MUC21: variants seen among roughly 807,000 people sequenced by gnomAD.
MUC21 encodes the protein mucin-21.
Under a neutral mutation model 9.1 loss-of-function variants are expected in MUC21, and 8 were observed. The observed-to-expected ratio is 0.88, with a 90% CI of 0.52 to 1.59. MUC21 has a LOEUF of 1.59. Ranked by LOEUF, MUC21 falls within the 40% of genes most tolerant of loss-of-function variation. The probability of loss-of-function intolerance (pLI) is 0.00; values close to 1 mark genes in which losing one functional copy is unlikely to be tolerated. For missense variants in MUC21, 478 were observed against 694.2 expected (o/e 0.69, Z 3.50); for synonymous variants, 189 against 275.2 (o/e 0.69, Z 3.10).
rs1762398482 is a variant in MUC21, at chr6:30,987,271, A to G, written c.1096A>G (p.Ser366Gly). Residue 366 changes from serine to glycine, a missense_variant, in exon 2 of 3, where the codon AGC becomes GGC. Ser to Gly is a moderately conservative substitution (Grantham distance 56). Coordinates refer to ENST00000376296, the MANE Select transcript of MUC21 (RefSeq NM_001010909.5). ...CAGCACAGCCACCAACTCTGGGTCC[A>G]GCACGACCTCCAGTGGGACCAGCAC... ...GASTATNSGS[S>G]TTSSGTSTAT... The G allele has an allele frequency of 1.1e-5, 17 of 1,567,338 alleles. 1 individual carries two copies. The highest frequency in any genetic ancestry group is 1.5e-5 in the Non-Finnish European group (17 of 1,149,232).
intron 2 of MUC21, 39 bp downstream of exon 2, chr6:30,987,720 A>G: frequency 2.5e-6 from 4 of 1,596,986 alleles, no homozygotes; most frequent in Non-Finnish European, 2.6e-6. Flanking sequence ...TGGGGGAAGG[A>G]GCAGCAGAAA....
Position 30,988,285 on chromosome 6 carries a change from C to T in MUC21, c.*91C>T. On this transcript the variant is annotated 3_prime_UTR_variant, in exon 3 of 3. Transcript: ENST00000376296. ...TCCTTTCATTCATCCCAGGAGACCC[C>T]TCCCAGCTTTGTTTGAGATCCTGAA... The T allele has an allele frequency of 1.6e-6, 2 of 1,247,450 alleles. No homozygotes were observed. The highest frequency in any genetic ancestry group is 2.2e-6 in the Non-Finnish European group (2 of 916,814). 77.3% of individuals were successfully genotyped at this position (1,247,450 alleles called of 1,614,324 possible).
At chr6:30,984,614 G>A (rs979919302) in intron 1 of MUC21, among the ~76,000 whole-genome samples, 1 of 152,082 alleles carries the variant, frequency 6.6e-6, no homozygotes, top group Admixed American at 6.6e-5. Context: ...AGGTTGCAGT[G>A]AGCCAAGATG....
In MUC21 at chr6:30,988,116, G is replaced by T; in HGVS notation, c.1623G>T (p.Arg541Ser). ...GGNHGAPHRP[R>S]WSPNWFWRRP... ...ATCATGGAGCCCCCCACAGGCCCAGGTGGAGTCCTAACTGGTTCTGGAGGA... is the reference window on the plus strand; with the variant it reads ...ATCATGGAGCCCCCCACAGGCCCAGTTGGAGTCCTAACTGGTTCTGGAGGA... Residue 541 changes from arginine to serine, a missense_variant, in exon 3 of 3, where the codon AGG becomes AGT. Around this residue, in one of 5 missense-constraint regions of MUC21, gnomAD observed 158 missense variants for 192.6 expected, o/e 0.82. Transcript: ENST00000376296. The T allele has an allele frequency of 6.2e-7, 1 of 1,613,002 alleles. No individual in the cohort carries two copies. Among genetic ancestry groups the T allele is most frequent in the African/African-American group, 1.3e-5 (1 of 75,044 alleles).
chr6:30,986,098 T>A, intron 1 of MUC21, 139 bp from the exon 2 acceptor site: 1 of 828,844 alleles, frequency 1.2e-6, no homozygotes, highest in East Asian at 2.7e-5. Context: ...AATTTCTTCA[T>A]CTCAGCTGGT....
chr6:30,986,780 C>A lies in MUC21; in HGVS notation c.605C>A (p.Thr202Lys). The change falls in exon 2 of 3, where the codon ACA (threonine) becomes AAA (lysine). Residue 202 changes from threonine (T) to lysine (K), a missense_variant. Coordinates refer to ENST00000376296, the MANE Select transcript of MUC21 (RefSeq NM_001010909.5). ...ASTATNSESSTTSSGASTATN... is the reference protein window; with the variant it reads ...ASTATNSESSKTSSGASTATN... ...ACTGCCACCAACTCTGAGTCCAGCACAACCTCCAGTGGGGCCAGCACAGCC... is the reference window on the plus strand; with the variant it reads ...ACTGCCACCAACTCTGAGTCCAGCAAAACCTCCAGTGGGGCCAGCACAGCC... 1 of 1,601,412 alleles carries A rather than the reference C, an allele frequency of 6.2e-7. No individual in the cohort carries two copies. Among genetic ancestry groups the A allele is most frequent in the Non-Finnish European group, 8.5e-7 (1 of 1,173,418 alleles).
rs1328628523 is a variant in MUC21 at position 30,988,211 on chromosome 6, G to A, written c.*17G>A. The A allele has an allele frequency of 6.2e-7, 1 of 1,601,488 alleles. No homozygotes were observed. The highest frequency in any genetic ancestry group is 8.5e-7 in the Non-Finnish European group (1 of 1,175,234). Reference sequence around the variant, plus strand: ...GGGCCCTGAGCAGCCCCGGAAGCAAGTGCCGCATTCTTCAGGAAGGAAGAG... The same window carrying A: ...GGGCCCTGAGCAGCCCCGGAAGCAAATGCCGCATTCTTCAGGAAGGAAGAG... On this transcript the variant is annotated 3_prime_UTR_variant, in exon 3 of 3. Coordinates refer to ENST00000376296, the MANE Select transcript of MUC21 (RefSeq NM_001010909.5).
At position 30,987,047 on chromosome 6, in the gene MUC21, G is replaced by T. The variant is rs1562532087; in HGVS notation, c.872G>T (p.Ser291Ile). 1 of 1,605,566 alleles carries T rather than the reference G, an allele frequency of 6.2e-7. No homozygotes were observed. The highest frequency in any genetic ancestry group is 8.5e-7 in the Non-Finnish European group (1 of 1,174,964). ...GISTVTNSES[S>I]TPSSGANTAT... is the part of the protein sequence containing the mutation. ...AGCACAGTCACCAATTCTGAGTCCA[G>T]CACACCCTCCAGTGGGGCCAACACA... The change falls in exon 2 of 3, where the codon AGC becomes ATC. Residue 291 changes from serine to isoleucine, a missense_variant. Coordinates refer to ENST00000376296, the MANE Select transcript of MUC21 (RefSeq NM_001010909.5).
At position 30,987,509 on chromosome 6, in the gene MUC21, C is replaced by CA; in HGVS notation, c.1335dup (p.Gly446ArgfsTer16). On this transcript the variant is annotated frameshift_variant, in exon 2 of 3. Coordinates refer to ENST00000376296, the MANE Select transcript of MUC21 (RefSeq NM_001010909.5). LOFTEE classifies it high-confidence loss of function. Reference sequence around the variant, plus strand: ...AACTCTGGGTCCAGTGTGACCTCTGCAGGCTCTGGAACAGCAGCTCTGACT... The same window carrying CA: ...AACTCTGGGTCCAGTGTGACCTCTGCAAGGCTCTGGAACAGCAGCTCTGACT... The CA allele has an allele frequency of 1.2e-6, 2 of 1,614,280 alleles. No homozygotes were observed. The highest frequency in any genetic ancestry group is 1.7e-6 in the Non-Finnish European group (2 of 1,180,056).
chr6:30,988,119 G>GAGTCCT lies in MUC21; in HGVS notation c.1628_1633dup (p.Ser543_Pro544dup), dbSNP rs1401975855. The GAGTCCT allele has an allele frequency of 6.2e-7, 1 of 1,613,010 alleles. No individual in the cohort carries two copies. Among genetic ancestry groups the GAGTCCT allele is most frequent in the Admixed American group, 1.7e-5 (1 of 60,028 alleles). On this transcript the variant is annotated inframe_insertion, in exon 3 of 3. Coordinates refer to ENST00000376296, the MANE Select transcript of MUC21 (RefSeq NM_001010909.5). Reference sequence around the variant, plus strand: ...ATGGAGCCCCCCACAGGCCCAGGTGGAGTCCTAACTGGTTCTGGAGGAGAC... The same window carrying GAGTCCT: ...ATGGAGCCCCCCACAGGCCCAGGTGGAGTCCTAGTCCTAACTGGTTCTGGAGGAGAC...
chr6:30,986,304 C>T lies in MUC21; in HGVS notation c.129C>T (p.Ser43=). 1 of 1,613,984 alleles carries T rather than the reference C, an allele frequency of 6.2e-7. No homozygotes were observed. The highest frequency in any genetic ancestry group is 8.5e-7 in the Non-Finnish European group (1 of 1,179,878). ...TGSSVISSGA[S]TATNSGSSVT... ...CCAGTGTGATCTCCAGTGGAGCCAGCACAGCCACCAACTCTGGGTCCAGTG... is the reference window on the plus strand; with the variant it reads ...CCAGTGTGATCTCCAGTGGAGCCAGTACAGCCACCAACTCTGGGTCCAGTG... Residue 43 remains serine, a synonymous_variant, in exon 2 of 3, where the codon AGC becomes AGT. Transcript: ENST00000376296.
Position 30,986,281 on chromosome 6 carries a change from A to G in MUC21, c.106A>G (p.Ser36Gly), listed in dbSNP as rs201438958. Residue 36 changes from serine (S) to glycine (G), a missense_variant, in exon 2 of 3, where the codon AGT becomes GGT. By Grantham distance (56) the Ser-to-Gly change is moderately conservative. Coordinates refer to ENST00000376296, the MANE Select transcript of MUC21 (RefSeq NM_001010909.5). Reference protein sequence around the residue: ...ETSTSANTGSSVISSGASTAT... With the variant: ...ETSTSANTGSGVISSGASTAT... ...TAGCACCTCTGCCAACACTGGATCC[A>G]GTGTGATCTCCAGTGGAGCCAGCAC... 1.9e-6 allele frequency: 3 copies of G among 1,614,182 alleles called. No individual in the cohort carries two copies. The highest frequency in any genetic ancestry group is 2.5e-6 in the Non-Finnish European group (3 of 1,180,000).
chr6:30,987,937 T>A, intron 2 of MUC21, 63 bp from the exon 3 acceptor site: 1 of 987,804 alleles, frequency 1.0e-6, no homozygotes, highest in Non-Finnish European at 1.6e-6. Flanking sequence ...CCAGAAGGCG[T>A]ACGTGGTAAA....
chr6:30,984,156 A>C (rs1181716080), intron 1 of MUC21, 137 bp downstream of exon 1: 1 of 626,720 alleles, frequency 1.6e-6, no homozygotes, highest in African/African-American at 1.9e-5. Context: ...ACTTCAGCCT[A>C]ACAAGGTATG....
Position 30,987,635 on chromosome 6 carries a change from C to T in MUC21, c.1460C>T (p.Ser487Leu), listed in dbSNP as rs1443660080. Residue 487 changes from serine (S) to leucine (L), a missense_variant, in exon 2 of 3, where the codon TCG becomes TTG. Physicochemically the swap from Ser to Leu is moderately radical, Grantham distance 145. This residue lies in a region of MUC21 where 158 missense variants were observed against 192.6 expected (regional missense o/e 0.82). Coordinates refer to ENST00000376296, the MANE Select transcript of MUC21 (RefSeq NM_001010909.5). The part of the protein sequence containing the change: ...PWEIFLITLV[S>L]VVAAVGLFAG... The stretch of plus-strand genomic sequence containing the variant: ...GAAATCTTCCTCATCACCCTGGTCT[C>T]GGTTGTGGCGGCCGTGGGGCTCTTT... 16 of 1,614,068 alleles carry T rather than the reference C, an allele frequency of 9.9e-6. No individual in the cohort carries two copies. The highest frequency in any genetic ancestry group is 4.0e-5 in the African/African-American group (3 of 74,924).
chr6:30,984,918 T>C (rs1034170838), intron 1 of MUC21, among the ~76,000 whole-genome samples: 5 of 151,870 alleles, frequency 3.3e-5, no homozygotes, highest in Admixed American at 6.6e-5. Context: ...GATGTTGCAG[T>C]GAGCTGAGAT....
chr6:30,987,232 A>C lies in MUC21; in HGVS notation c.1057A>C (p.Thr353Pro), dbSNP rs41288687. ...AGCCACCAACTCTGAGTCCAGCACA[A>C]CCTCCAGTGGGGCCAGCACAGCCAC... is the stretch of plus-strand genomic sequence containing the variant. Reference protein sequence around the residue: ...STATNSESSTTSSGASTATNS... With the variant: ...STATNSESSTPSSGASTATNS... The change falls in exon 2 of 3, where the codon ACC becomes CCC. Residue 353 changes from threonine (T) to proline (P), a missense_variant. Thr to Pro is a conservative substitution (Grantham distance 38). Around this residue, in one of 5 missense-constraint regions of MUC21, gnomAD observed 155 missense variants for 235.2 expected, o/e 0.66. Transcript: ENST00000376296. 366 of 1,556,894 alleles carry C rather than the reference A, an allele frequency of 2.4e-4. 20 individuals carry two copies. In the African/African-American group the frequency reaches 4.7e-3, roughly 20 times the overall value.
At position 30,986,774 on chromosome 6, in the gene MUC21, C is replaced by T. The variant is rs143588518; in HGVS notation, c.599C>T (p.Ser200Phe). 163 of 1,601,100 alleles carry T rather than the reference C, an allele frequency of 1.0e-4. 1 individual carries two copies. In the African/African-American group the frequency reaches 2.1e-3, roughly 20 times the overall value. ...GCCAGCACTGCCACCAACTCTGAGT[C>T]CAGCACAACCTCCAGTGGGGCCAGC... ...SRASTATNSE[S>F]STTSSGASTA... Residue 200 changes from serine to phenylalanine, a missense_variant, in exon 2 of 3, where the codon TCC (serine) becomes TTC (phenylalanine). This residue lies in a region of MUC21 where 53 missense variants were observed against 139.1 expected (regional missense o/e 0.38). Coordinates refer to ENST00000376296, the MANE Select transcript of MUC21 (RefSeq NM_001010909.5).
Position 30,987,605 on chromosome 6 carries a change from C to T in MUC21, c.1430C>T (p.Pro477Leu), listed in dbSNP as rs779399351. The T allele has an allele frequency of 1.5e-5, 25 of 1,614,072 alleles. No homozygotes were observed. The highest frequency in any genetic ancestry group is 9.3e-5 in the African/African-American group (7 of 74,934). Residue 477 changes from proline (P) to leucine (L), a missense_variant, in exon 2 of 3, where the codon CCG becomes CTG. Transcript: ENST00000376296. Reference sequence around the variant, plus strand: ...GCGAAGCCTGGTGGGTCCCTGGTGCCGTGGGAAATCTTCCTCATCACCCTG... The same window carrying T: ...GCGAAGCCTGGTGGGTCCCTGGTGCTGTGGGAAATCTTCCTCATCACCCTG... ...SEAKPGGSLV[P>L]WEIFLITLVS... is the part of the protein sequence containing the mutation.
Sources: gnomAD v4.1 joint callset for allele counts (sites outside exome capture counted in the v4.1 genomes callset) on GRCh38, gnomAD v4.1.1 for gene constraint, gnomAD v4.1.1 regional missense constraint, MANE v1.5 for transcripts, NCBI Gene and HGNC (gene_info 2026-07-23, HGNC 2026-07-21) for gene names.